ZNF141: variants seen among roughly 807,000 people sequenced by gnomAD.
ZNF141 encodes zinc finger protein 141, also known as zinc finger protein 141 (clone pHZ-44).
A neutral mutation model predicts 11.3 loss-of-function variants in ZNF141; 7 were observed. The ratio of observed to expected loss-of-function variants is 0.62; its 90% CI spans 0.35 to 1.16. The LOEUF (loss-of-function observed/expected upper bound fraction) is 1.16, where lower values mean the gene tolerates loss of function less well. ZNF141 is among the 50% of genes most tolerant of loss of function. The pLI is 0.02. For synonymous variants in ZNF141, 183 were observed against 190.7 expected (o/e 0.96, Z 0.33); for missense variants, 535 against 554.0 (o/e 0.97, Z 0.34).
intron 3 of ZNF141, among the ~76,000 whole-genome samples, chr4:346,147 A>G (rs573590417): frequency 2.0e-5 from 3 of 152,354 alleles, no homozygotes; most frequent in South Asian, 4.1e-4. Context: ...GGGAAGCAAC[A>G]TATTAAGAAA....
At chr4:341,069 TTTC>T (rs1206320520) in intron 1 of ZNF141, among the ~76,000 whole-genome samples, 3 of 130,202 alleles carry the variant, frequency 2.3e-5, no homozygotes, top group African/African-American at 9.5e-5. Context: ...AAAAAACATT[TTTC>T]TTTTTTTTTT....
At chr4:347,626 A>G (rs1721398352) in intron 3 of ZNF141, among the ~76,000 whole-genome samples, 1 of 151,910 alleles carries the variant, frequency 6.6e-6, no homozygotes, top group African/African-American at 2.4e-5. Flanking sequence ...GGCGTGAGCC[A>G]AGGAGCCCGG....
At position 374,183 on chromosome 4, in the gene ZNF141, GA is replaced by G; in HGVS notation, c.*326del. On this transcript the variant is annotated 3_prime_UTR_variant, in exon 4 of 4. Coordinates refer to ENST00000240499, the MANE Select transcript of ZNF141 (RefSeq NM_003441.4). Reference sequence around the variant, plus strand: ...AGCCCTCACCGGTGAATAAACATAAGAAAAATCATGCTGGAGGGAAGCCCTA... The same window carrying G: ...AGCCCTCACCGGTGAATAAACATAAGAAAATCATGCTGGAGGGAAGCCCTA... 3.0e-6 allele frequency: 1 copy of G among 334,400 alleles called. No homozygotes were observed. The highest frequency in any genetic ancestry group is 3.4e-5 in the South Asian group (1 of 29,568). The allele number at this position is 334,400 out of a possible 1,614,324, so 20.7% of individuals were successfully genotyped here.
chr4:380,372 G>C lies in ZNF141; in HGVS notation c.*6510G>C, dbSNP rs150611888. Among the ~76,000 whole-genome samples the C allele has an allele frequency of 6.6e-6, 1 of 151,992 alleles. No individual in the cohort carries two copies. Among genetic ancestry groups the C allele is most frequent in the African/African-American group, 2.4e-5 (1 of 41,462 alleles). The stretch of plus-strand genomic sequence containing the variant: ...ATATGTGTTAATAAATTTTATTTTC[G>C]GCCAGGCGTGGTGGCTCACACCTGT... On this transcript the variant is annotated 3_prime_UTR_variant, in exon 4 of 4. Coordinates refer to ENST00000240499, the MANE Select transcript of ZNF141 (RefSeq NM_003441.4).
Position 378,084 on chromosome 4 carries a change from G to A in ZNF141, c.*4222G>A, listed in dbSNP as rs1188905473. ...GGAAGCTGAGGCAGGAGAATCGCTTGAACCCAGGATGCAGAGGTTGCAGTG... is the reference window on the plus strand; with the variant it reads ...GGAAGCTGAGGCAGGAGAATCGCTTAAACCCAGGATGCAGAGGTTGCAGTG... On this transcript the variant is annotated 3_prime_UTR_variant, in exon 4 of 4. Coordinates refer to ENST00000240499, the MANE Select transcript of ZNF141 (RefSeq NM_003441.4). 3 of 152,098 alleles carry A rather than the reference G, an allele frequency of 2.0e-5. No homozygotes were observed. The highest frequency in any genetic ancestry group is 7.2e-5 in the African/African-American group (3 of 41,414). The allele number at this position is 152,098 out of a possible 1,614,324, so 9.4% of individuals were successfully genotyped here.
chr4:375,250 A>G lies in ZNF141; in HGVS notation c.*1388A>G, dbSNP rs574954471. 7 of 152,264 alleles carry G rather than the reference A, an allele frequency of 4.6e-5. No individual in the cohort carries two copies. The highest frequency in any genetic ancestry group is 3.9e-4 in the Admixed American group (6 of 15,294). The allele number at this position is 152,264 out of a possible 1,614,324, so 9.4% of individuals were successfully genotyped here. ...AGTGAAGAAGAGTATTCTTAAGACA[A>G]ACAATACAAATATAAAGAGGGTTGT... On this transcript the variant is annotated 3_prime_UTR_variant, in exon 4 of 4. Transcript: ENST00000240499.
chr4:365,398 A>T (rs955143238), intron 3 of ZNF141, among the ~76,000 whole-genome samples: 2 of 152,168 alleles, frequency 1.3e-5, no homozygotes, highest in East Asian at 3.9e-4. Context: ...GGAAGTGCAG[A>T]AATCACCCGT....
In ZNF141 at chr4:375,763, G is replaced by T. The variant is rs1553854510; in HGVS notation, c.*1901G>T. Among the ~76,000 whole-genome samples the T allele has an allele frequency of 6.6e-6, 1 of 152,052 alleles. No homozygotes were observed. Among genetic ancestry groups the T allele is most frequent in the Non-Finnish European group, 1.5e-5 (1 of 67,930 alleles). On this transcript the variant is annotated 3_prime_UTR_variant, in exon 4 of 4. Coordinates refer to ENST00000240499, the MANE Select transcript of ZNF141 (RefSeq NM_003441.4). The stretch of plus-strand genomic sequence containing the variant: ...TATTTCATACTGTTTCAACATTCCT[G>T]TTTATGTGAAAGCATGTGATGAATT...
intron 3 of ZNF141, among the ~76,000 whole-genome samples, chr4:352,496 A>T (rs1248896565): frequency 6.6e-6 from 1 of 152,232 alleles, no homozygotes; most frequent in Non-Finnish European, 1.5e-5. Context: ...TGGGAGGGGC[A>T]TCAAGAGGGG....
rs546279140 is a variant in ZNF141, at chr4:350,655, G to A, written c.226+6225G>A. 1.6e-4 allele frequency among the ~76,000 whole-genome samples: 24 copies of A among 152,276 alleles called. No individual in the cohort carries two copies. In the South Asian group the frequency reaches 4.8e-3, roughly 30 times the overall value. On this transcript the variant is annotated intron_variant, in intron 3 of 3. Coordinates refer to ENST00000240499, the MANE Select transcript of ZNF141 (RefSeq NM_003441.4). ...CCTTGAGGGAGATGATTGGATCGTA[G>A]GGTTGGCTTTTCATGAATAGTTTAG...
intron 1 of ZNF141, chr4:338,651 G>A (rs1720907043): frequency 6.5e-6 from 1 of 153,076 alleles, no homozygotes; most frequent in Non-Finnish European, 1.5e-5. Context: ...CTTGAGGAGG[G>A]TGTGGGCCCC....
chr4:371,404 G>A (rs368408284), intron 3 of ZNF141, among the ~76,000 whole-genome samples: 2 of 134,628 alleles, frequency 1.5e-5, no homozygotes, highest in Non-Finnish European at 3.2e-5. Context: ...GCACATTTTT[G>A]TAGTTTTAGT....
chr4:346,559 A>G (rs1410161430), intron 3 of ZNF141, among the ~76,000 whole-genome samples: 2 of 152,194 alleles, frequency 1.3e-5, no homozygotes, highest in Non-Finnish European at 2.9e-5. Context: ...TAATGCTAAT[A>G]TACATTAGGT....
chr4:356,846 G>A (rs1004957171), intron 3 of ZNF141, among the ~76,000 whole-genome samples: 1 of 149,834 alleles, frequency 6.7e-6, no homozygotes, highest in South Asian at 2.1e-4. Context: ...TTGAATTTTT[G>A]TTTTGTTTTT....
At chr4:348,832 A>G (rs1721460959) in intron 3 of ZNF141, among the ~76,000 whole-genome samples, 1 of 152,130 alleles carries the variant, frequency 6.6e-6, no homozygotes, top group African/African-American at 2.4e-5. Flanking sequence ...AAATTTTACA[A>G]TTGTGTTTTC....
rs1380376195 is a variant in ZNF141, at chr4:382,335, G to A, written c.*8473G>A. ...GTCTTAGAAAACATCTTGTCCCTTC[G>A]AAGCATACTCTGCTGGTTGGCTAAA... On this transcript the variant is annotated 3_prime_UTR_variant, in exon 4 of 4. Transcript: ENST00000240499. Among the ~76,000 whole-genome samples, 5 of 152,124 alleles carry A rather than the reference G, an allele frequency of 3.3e-5. No homozygotes were observed. The highest frequency in any genetic ancestry group is 6.5e-5 in the Admixed American group (1 of 15,278).
chr4:348,724 A>C (rs1553850000), intron 3 of ZNF141, among the ~76,000 whole-genome samples: 3 of 149,210 alleles, frequency 2.0e-5, no homozygotes. Flanking sequence ...GCTGGACTCC[A>C]TCTCAAAAAA....
rs148719906 is a variant in ZNF141, at chr4:355,833, A to AT, written c.226+11406dup. 7.4e-3 allele frequency among the ~76,000 whole-genome samples: 1,123 copies of AT among 152,278 alleles called. 11 individuals carry two copies. In the Middle Eastern group the frequency reaches 0.075, roughly 10 times the overall value. On this transcript the variant is annotated intron_variant, in intron 3 of 3. Coordinates refer to ENST00000240499, the MANE Select transcript of ZNF141 (RefSeq NM_003441.4). ...GTCATTCCCACCTCATGAGAATCAC[A>AT]TTTCCACATCACAACATGACCAAAG...
At chr4:345,546 T>C (rs1201654649) in intron 3 of ZNF141, among the ~76,000 whole-genome samples, 1 of 152,060 alleles carries the variant, frequency 6.6e-6, no homozygotes, top group Non-Finnish European at 1.5e-5. Context: ...CTGACTAACA[T>C]GGAGAAACCC....
Sources: allele counts gnomAD v4.1 joint callset (sites outside exome capture counted in the v4.1 genomes callset), GRCh38; gene constraint gnomAD v4.1.1; transcripts MANE v1.5; gene names NCBI Gene and HGNC (gene_info 2026-07-23, HGNC 2026-07-21).